The following SUGP1 variants were observed in gnomAD, a reference collection of about 807,000 sequenced individuals.
SUGP1 encodes the protein SURP and G-patch domain-containing protein 1.
In SUGP1, 34 loss-of-function variants were observed where a neutral mutation model predicts 76.5. The ratio of observed to expected loss-of-function variants is 0.44; its 90% CI spans 0.34 to 0.59. The LOEUF is 0.59. Among genes scored for constraint, SUGP1 ranks in the 20% least tolerant of loss-of-function variants. The probability of loss-of-function intolerance (pLI) is 0.01; values close to 1 mark genes in which losing one functional copy is unlikely to be tolerated. For synonymous variants in SUGP1, 326 were observed against 326.2 expected, an observed-to-expected ratio of 1.00 and a Z score of 0.01; for missense variants, 752 against 851.7, an observed-to-expected ratio of 0.88 and a Z score of 1.46.
Position 19,283,001 on chromosome 19 carries a change from C to T in SUGP1, c.1244-2710G>A, listed in dbSNP as rs139022962. 3.5e-3 allele frequency among the ~76,000 whole-genome samples: 525 copies of T among 150,962 alleles called. 3 individuals carry two copies. The highest frequency in any genetic ancestry group is 0.012 in the African/African-American group (476 of 40,982). ...CTGAAGTAGGAGAATGGTGTGAACC[C>T]GGGAGGTGGAGATTGCAGTGAGCCA... is the stretch of plus-strand genomic sequence containing the variant. On this transcript the variant is annotated intron_variant, in intron 8 of 13. Transcript: ENST00000247001.
chr19:19,303,617 G>A (rs1010143799), intron 5 of SUGP1, 107 bp downstream of exon 5: 30 of 1,460,218 alleles, frequency 2.1e-5, no homozygotes, highest in Non-Finnish European at 2.6e-5. Flanking sequence ...ATCAGAAAAC[G>A]CTTGGAACAG....
chr19:19,290,459 C>T (rs1005595008), intron 8 of SUGP1, among the ~76,000 whole-genome samples: 20 of 152,076 alleles, frequency 1.3e-4, no homozygotes, highest in African/African-American at 4.3e-4. Flanking sequence ...GCCTGGCCAA[C>T]GTGGCAAAAC....
chr19:19,303,607 A>G (rs2061290215), intron 5 of SUGP1, 117 bp downstream of exon 5: 1 of 1,430,616 alleles, frequency 7.0e-7, no homozygotes, highest in African/African-American at 1.4e-5. Flanking sequence ...TCTGGTGAGA[A>G]TCAGAAAACG....
intron 2 of SUGP1, 97 bp downstream of exon 2, chr19:19,316,325 G>A (rs993268055): frequency 4.1e-6 from 6 of 1,451,402 alleles, no homozygotes; most frequent in South Asian, 1.3e-5. Context: ...ATGGCTGGGT[G>A]CAAGCACATG....
At chr19:19,317,896 C>T (rs1276015340) in intron 1 of SUGP1, among the ~76,000 whole-genome samples, 7 of 150,684 alleles carry the variant, frequency 4.6e-5, no homozygotes, top group African/African-American at 1.7e-4. Context: ...TTGCAACCTC[C>T]ACCTCCCAGG....
chr19:19,281,988 C>T (rs1402333299), intron 8 of SUGP1, among the ~76,000 whole-genome samples: 3 of 152,038 alleles, frequency 2.0e-5, no homozygotes, highest in Non-Finnish European at 2.9e-5. Context: ...AACTTTCTTT[C>T]ATTTTTCCCG....
chr19:19,312,183 T>C (rs970360270), intron 2 of SUGP1, among the ~76,000 whole-genome samples: 3 of 151,580 alleles, frequency 2.0e-5, no homozygotes, highest in Admixed American at 6.6e-5. Flanking sequence ...GCCGCAATCA[T>C]GCCACTGCAC....
At chr19:19,280,661 T>A (rs1395825214) in intron 8 of SUGP1, 2 of 230,744 alleles carry the variant, frequency 8.7e-6, no homozygotes, top group Admixed American at 1.0e-4. Flanking sequence ...GCAGCATGCA[T>A]GGGCGCACGC....
chr19:19,301,745 T>C (rs1385726656), intron 7 of SUGP1: 3 of 155,118 alleles, frequency 1.9e-5, no homozygotes, highest in African/African-American at 7.2e-5. Flanking sequence ...TACGACCGCA[T>C]GGCCGGGGAT....
chr19:19,282,896 T>A (rs2061110097), intron 8 of SUGP1, among the ~76,000 whole-genome samples: 1 of 151,862 alleles, frequency 6.6e-6, no homozygotes, highest in Admixed American at 6.6e-5. Flanking sequence ...GCTAACACGG[T>A]GAAACCCCGT....
intron 4 of SUGP1, chr19:19,304,130 G>A (rs1328656237): frequency 3.9e-6 from 4 of 1,030,770 alleles, no homozygotes; most frequent in African/African-American, 1.6e-5. Context: ...TGGTTTTGGT[G>A]GGGGAAATGC....
chr19:19,320,434 G>A (rs1188657039), intron 1 of SUGP1, 29 bp downstream of exon 1: 3 of 1,606,724 alleles, frequency 1.9e-6, no homozygotes, highest in Non-Finnish European at 2.5e-6. Flanking sequence ...GACCCAGGCG[G>A]CCGCCTGAGA....
At chr19:19,297,961 C>T (rs563839778) in intron 7 of SUGP1, among the ~76,000 whole-genome samples, 5 of 152,294 alleles carry the variant, frequency 3.3e-5, no homozygotes, top group Admixed American at 6.5e-5. Context: ...TGGCGCCTCT[C>T]GGACCGTACA....
Position 19,281,662 on chromosome 19 carries a change from C to T in SUGP1, c.1244-1371G>A, listed in dbSNP as rs192365016. 1.6e-3 allele frequency among the ~76,000 whole-genome samples: 237 copies of T among 152,324 alleles called. 2 individuals are homozygous for T. Among genetic ancestry groups the T allele is most frequent in the African/African-American group, 5.5e-3 (228 of 41,576 alleles). On this transcript the variant is annotated intron_variant, in intron 8 of 13. Transcript: ENST00000247001. Reference sequence around the variant, plus strand: ...GATGGCGCCACACAACAGGGCACGTCGGACTCCTCCATGCACCTGTGTGTT... The same window carrying T: ...GATGGCGCCACACAACAGGGCACGTTGGACTCCTCCATGCACCTGTGTGTT...
At chr19:19,290,946 G>A (rs1045541532) in intron 8 of SUGP1, among the ~76,000 whole-genome samples, 23 of 151,978 alleles carry the variant, frequency 1.5e-4, no homozygotes, top group African/African-American at 3.9e-4. Flanking sequence ...GTGAAACCCC[G>A]TCTCTACTAA....
chr19:19,280,625 G>A (rs1336806086), intron 8 of SUGP1: 1 of 289,380 alleles, frequency 3.5e-6, no homozygotes, highest in African/African-American at 2.1e-5. Flanking sequence ...CAGAGCCAGA[G>A]ACAAGAGAGC....
At chr19:19,297,380 G>A in intron 7 of SUGP1, 36 bp from the exon 8 acceptor site, 2 of 1,284,066 alleles carry the variant, frequency 1.6e-6, no homozygotes, top group Non-Finnish European at 2.1e-6. Flanking sequence ...GTGTCAGCTG[G>A]GCCCGAGGCC....
chr19:19,303,693 G>T (rs1224234522), intron 5 of SUGP1, 31 bp downstream of exon 5: 1 of 1,613,180 alleles, frequency 6.2e-7, no homozygotes, highest in African/African-American at 1.3e-5. Flanking sequence ...GCATTCAACA[G>T]CACAGCCTTC....
intron 8 of SUGP1, among the ~76,000 whole-genome samples, chr19:19,290,116 C>A (rs1352072745): frequency 6.6e-6 from 1 of 152,028 alleles, no homozygotes; most frequent in African/African-American, 2.4e-5. Flanking sequence ...GCAGATGTGA[C>A]CCGCCATCAC....
Sources: allele counts gnomAD v4.1 joint callset (sites outside exome capture counted in the v4.1 genomes callset), GRCh38; gene constraint gnomAD v4.1.1; transcripts MANE v1.5; gene names NCBI Gene and HGNC (gene_info 2026-07-23, HGNC 2026-07-21).